INKA2: variants seen among roughly 807,000 people sequenced by gnomAD.
INKA2 encodes PAK4-inhibitor INKA2.
A neutral mutation model predicts 9.8 loss-of-function variants in INKA2; 3 were observed. That is an observed-to-expected ratio of 0.31 (90% CI 0.14 to 0.79). The LOEUF (loss-of-function observed/expected upper bound fraction) is 0.79. Ranked by LOEUF, INKA2 falls within the 30% of genes least tolerant of loss-of-function variation. INKA2 has a pLI of 0.62. For missense variants in INKA2, 392 were observed against 384.4 expected, an observed-to-expected ratio of 1.02 and a Z score of -0.17; for synonymous variants, 147 against 143.3, an observed-to-expected ratio of 1.03 and a Z score of -0.18.
intron 1 of INKA2, chr1:111,755,088 T>C (rs1663499591): frequency 7.2e-6 from 1 of 138,338 alleles, no homozygotes; most frequent in Non-Finnish European, 1.7e-5. Context: ...ACAGAAGGCA[T>C]GTAACATTTG....
chr1:111,728,919 T>TTTTTTTTTTTC (rs57795056), intron 1 of INKA2, among the ~76,000 whole-genome samples: 1 of 150,356 alleles, frequency 6.7e-6, no homozygotes, highest in African/African-American at 2.5e-5. Flanking sequence ...TTTTTTTTTT[T>TTTTTTTTTTTC]CAAACAGGGT....
At chr1:111,728,882 G>A (rs1203117324) in intron 1 of INKA2, among the ~76,000 whole-genome samples, 1 of 149,978 alleles carries the variant, frequency 6.7e-6, no homozygotes, top group African/African-American at 2.5e-5. Context: ...AGATGGCTGG[G>A]CAGTGGGCAG....
At chr1:111,752,127 TG>T (rs1663424685) in intron 1 of INKA2, among the ~76,000 whole-genome samples, 2 of 152,212 alleles carry the variant, frequency 1.3e-5, no homozygotes, top group Non-Finnish European at 2.9e-5. Context: ...ACGTGATGAC[TG>T]GAACTACAGC....
intron 1 of INKA2, chr1:111,745,294 T>TATATATATATATATATA (rs372884823): frequency 1.4e-4 from 5 of 35,902 alleles, no homozygotes; most frequent in Non-Finnish European, 1.8e-4. Flanking sequence ...TATATATATA[T>TATATATATATATATATA]TTTTTTTTTT....
At chr1:111,737,468 G>C (rs1663030949) in intron 1 of INKA2, among the ~76,000 whole-genome samples, 1 of 152,160 alleles carries the variant, frequency 6.6e-6, no homozygotes, top group Non-Finnish European at 1.5e-5. Flanking sequence ...GGGTGGTGTA[G>C]TCCCCAATTC....
At chr1:111,741,517 G>A (rs1381109054), upstream of INKA2, among the ~76,000 whole-genome samples, 3 of 152,218 alleles carry the variant, frequency 2.0e-5, no homozygotes, top group Admixed American at 1.3e-4. Flanking sequence ...AAGAAGTTCT[G>A]TAGTTGAATA....
Position 111,727,508 on chromosome 1 carries a change from G to T in INKA2, c.354C>A (p.Pro118=). 1.2e-6 allele frequency: 2 copies of T among 1,614,218 alleles called. No individual in the cohort carries two copies. The highest frequency in any genetic ancestry group is 2.2e-5 in the South Asian group (2 of 91,086). Residue 118 remains proline (P), a synonymous_variant, in exon 2 of 2, where the codon CCC becomes CCA. Transcript: ENST00000357260. ...TTTGATGTGGCTGTGTCCTGGGCAA[G>T]GGGGCTAAATCCCTTCCACAGACAC... ...HRSVCGRDLA[P]LPRTQPHQSC... is the part of the protein sequence containing the mutation.
chr1:111,751,686 C>T (rs953884669), intron 1 of INKA2, among the ~76,000 whole-genome samples: 3 of 152,200 alleles, frequency 2.0e-5, no homozygotes, highest in African/African-American at 7.2e-5. Flanking sequence ...CTTACTGTCC[C>T]ATTTGCATTC....
intron 1 of INKA2, chr1:111,753,674 A>G (rs1418723475): frequency 6.6e-6 from 1 of 152,228 alleles, no homozygotes; most frequent in Non-Finnish European, 1.5e-5. Context: ...GAGACCCAGA[A>G]GAGATTTTTG....
chr1:111,727,824 C>A lies in INKA2; in HGVS notation c.58-20G>T. On this transcript the variant is annotated intron_variant, in intron 1 of 1. Transcript: ENST00000357260. ...GGACATCTGCAGGGGAGAGAGAAAG[C>A]ATGGGGCCTATGAGCCACAGTGGGC... 6.9e-6 allele frequency: 11 copies of A among 1,599,540 alleles called. No homozygotes were observed. The highest frequency in any genetic ancestry group is 1.3e-5 in the African/African-American group (1 of 75,008).
Position 111,723,221 on chromosome 1 carries a change from A to G in INKA2, c.*3747T>C. The G allele has an allele frequency of 1.7e-6, 1 of 604,898 alleles. No homozygotes were observed. The highest frequency in any genetic ancestry group is 3.0e-6 in the Non-Finnish European group (1 of 338,182). 37.5% of individuals were successfully genotyped at this position (604,898 alleles called of 1,614,324 possible). A position where few individuals can be genotyped will look rare whatever the true frequency, so the allele number is the denominator to read the frequency against. On this transcript the variant is annotated 3_prime_UTR_variant, in exon 2 of 2. Transcript: ENST00000357260. ...GTAGGAAACGATGGTGTGACTTGGG[A>G]AAGATGGAGGAGCCTCTCCCCAACA...
rs559895976 is a variant in INKA2 at position 111,752,437 on chromosome 1, T to G, written n.124+3264A>C. ...CCAAGTGCAGAGGCTCTGTTTACTT[T>G]GTTCCATTTTTGTATCTCTAGCACT... is the stretch of plus-strand genomic sequence containing the variant. On this transcript the variant is annotated intron_variant and non_coding_transcript_variant, in intron 1 of 1. Coordinates refer to the INKA2 transcript ENST00000444059. Among the ~76,000 whole-genome samples, 3 of 152,366 alleles carry G rather than the reference T, an allele frequency of 2.0e-5. No individual in the cohort carries two copies. The East Asian group carries it at 5.8e-4, about 29-fold the overall frequency.
At chr1:111,745,441 C>T (rs1335277946) in intron 1 of INKA2, 1 of 150,378 alleles carries the variant, frequency 6.6e-6, no homozygotes, top group African/African-American at 2.4e-5. Flanking sequence ...GGACTACAGG[C>T]ACATGCCACC....
upstream of INKA2, chr1:111,744,258 G>A (rs1361788222): frequency 6.6e-6 from 1 of 152,108 alleles, no homozygotes; most frequent in Non-Finnish European, 1.5e-5. Flanking sequence ...ATCACTTCGG[G>A]TTTTAATTAA....
At chr1:111,729,595 C>A (rs550173125) in intron 1 of INKA2, among the ~76,000 whole-genome samples, 1 of 152,332 alleles carries the variant, frequency 6.6e-6, no homozygotes, top group East Asian at 1.9e-4. Context: ...CTGCCAGCTC[C>A]CTCCCCAGCT....
Position 111,726,848 on chromosome 1 carries a change from G to A in INKA2, c.*120C>T. On this transcript the variant is annotated 3_prime_UTR_variant, in exon 2 of 2. Transcript: ENST00000357260. ...GAACTCTGGCTTCTCCCCGCTTTCT[G>A]GGGGAAAGGAACTTGGAGTTGGGCT... 9.6e-7 allele frequency: 1 copy of A among 1,040,594 alleles called. No homozygotes were observed. The highest frequency in any genetic ancestry group is 1.5e-5 in the South Asian group (1 of 65,126). 64.5% of individuals were successfully genotyped at this position (1,040,594 alleles called of 1,614,324 possible).
chr1:111,736,694 T>A (rs1033469012), intron 1 of INKA2, among the ~76,000 whole-genome samples: 2 of 152,218 alleles, frequency 1.3e-5, no homozygotes, highest in African/African-American at 4.8e-5. Flanking sequence ...AGATCCTGCC[T>A]GGGATGGGCC....
Position 111,726,137 on chromosome 1 carries a change from T to C in INKA2, c.*831A>G, listed in dbSNP as rs1662764232. Reference sequence around the variant, plus strand: ...GGCTGTTCTGCCTCCTGGCTGCAGTTGTTCCTGGACATGTAGCATATCTAG... The same window carrying C: ...GGCTGTTCTGCCTCCTGGCTGCAGTCGTTCCTGGACATGTAGCATATCTAG... On this transcript the variant is annotated 3_prime_UTR_variant, in exon 2 of 2. Coordinates refer to ENST00000357260, the MANE Select transcript of INKA2 (RefSeq NM_019099.5). 2 of 398,486 alleles carry C rather than the reference T, an allele frequency of 5.0e-6. No individual in the cohort carries two copies. Among genetic ancestry groups the C allele is most frequent in the Admixed American group, 8.8e-5 (2 of 22,722 alleles). 24.7% of individuals were successfully genotyped at this position (398,486 alleles called of 1,614,324 possible). A position where few individuals can be genotyped will look rare whatever the true frequency, so the allele number is the denominator to read the frequency against.
intron 1 of INKA2, among the ~76,000 whole-genome samples, chr1:111,749,421 G>GGT (rs58362318): frequency 0.076 from 11,441 of 150,046 alleles, 474 homozygotes; most frequent in African/African-American, 0.11. Context: ...TGTGTGTTGG[G>GGT]GTGTGTGTGT....
Sources: allele counts gnomAD v4.1 joint callset (sites outside exome capture counted in the v4.1 genomes callset), GRCh38; gene constraint gnomAD v4.1.1; transcripts MANE v1.5; gene names NCBI Gene and HGNC (gene_info 2026-07-23, HGNC 2026-07-21).